The following MAT2B variants were observed in gnomAD, a reference collection of about 807,000 sequenced individuals.
MAT2B encodes methionine adenosyltransferase 2 subunit beta.
In MAT2B, 16 loss-of-function variants were observed where a neutral mutation model predicts 36.1. That is an observed-to-expected ratio of 0.44 (90% CI 0.30 to 0.67). The LOEUF (loss-of-function observed/expected upper bound fraction) is 0.67. Ranked by LOEUF, MAT2B falls within the 30% of genes least tolerant of loss-of-function variation. The pLI, the probability that MAT2B is intolerant of heterozygous loss-of-function variation, is 0.09. For synonymous variants in MAT2B, 148 were observed against 136.9 expected, an observed-to-expected ratio of 1.08 and a Z score of -0.57; for missense variants, 332 against 398.2, an observed-to-expected ratio of 0.83 and a Z score of 1.42.
chr5:163,512,645 T>TG, intron 2 of MAT2B: 1 of 440,024 alleles, frequency 2.3e-6, no homozygotes, highest in African/African-American at 2.0e-5. Flanking sequence ...TTGTCCAAAT[T>TG]GGGGGATAAA....
At chr5:163,505,955 T>C (rs1365013157) in intron 1 of MAT2B, among the ~76,000 whole-genome samples, 2 of 152,174 alleles carry the variant, frequency 1.3e-5, no homozygotes, top group East Asian at 1.9e-4. Context: ...AGTGTTTTTT[T>C]CTTCCAGCCA....
chr5:163,512,311 A>G (rs1760059442), intron 2 of MAT2B, 115 bp downstream of exon 2: 1 of 913,970 alleles, frequency 1.1e-6, no homozygotes, highest in Non-Finnish European at 1.7e-6. Context: ...CTAAAGTTGT[A>G]TTATGCAGTA....
chr5:163,516,827 AAACT>A (rs1048185460), intron 5 of MAT2B, 116 bp downstream of exon 5: 10 of 982,832 alleles, frequency 1.0e-5, no homozygotes, highest in African/African-American at 3.2e-5. Context: ...TGCTTTTTTA[AAACT>A]AGGAGACCAA....
chr5:163,503,558 C>A, upstream of MAT2B: 2 of 858,416 alleles, frequency 2.3e-6, no homozygotes, highest in Non-Finnish European at 3.9e-6. Context: ...TTCCTTAAAA[C>A]ATAACCTCGG....
At chr5:163,505,603 C>T (rs1759916071), upstream of MAT2B, 1 of 1,248,328 alleles carries the variant, frequency 8.0e-7, no homozygotes, top group Middle Eastern at 2.4e-4. Flanking sequence ...GGAGGCGGGC[C>T]GAGGGCGTCT....
chr5:163,507,883 C>T (rs946089833), intron 1 of MAT2B, among the ~76,000 whole-genome samples: 2 of 152,096 alleles, frequency 1.3e-5, no homozygotes, highest in Non-Finnish European at 2.9e-5. Context: ...CGAAACTATT[C>T]GGACTCCTCG....
At chr5:163,515,714 A>T (rs914392093) in intron 4 of MAT2B, among the ~76,000 whole-genome samples, 3 of 151,478 alleles carry the variant, frequency 2.0e-5, no homozygotes, top group Non-Finnish European at 4.4e-5. Context: ...TTATATATAT[A>T]AAAAAAACTA....
At chr5:163,503,804 G>T (rs868205848), upstream of MAT2B, among the ~76,000 whole-genome samples, 2 of 152,160 alleles carry the variant, frequency 1.3e-5, no homozygotes, top group Non-Finnish European at 2.9e-5. Flanking sequence ...GTTTCAGGCT[G>T]CTCTCTTTAA....
At chr5:163,504,715 T>C (rs573631425), upstream of MAT2B, among the ~76,000 whole-genome samples, 1 of 152,336 alleles carries the variant, frequency 6.6e-6, no homozygotes, top group Admixed American at 6.5e-5. Flanking sequence ...CTGAGGATTT[T>C]TTGCGGTTTT....
chr5:163,505,816 T>C, intron 1 of MAT2B, 67 bp downstream of exon 1: 6 of 1,209,658 alleles, frequency 5.0e-6, no homozygotes, highest in Non-Finnish European at 6.3e-6. Flanking sequence ...CCACCGGGGC[T>C]CGGGCGGCTT....
Sources: gnomAD v4.1 joint callset for allele counts (sites outside exome capture counted in the v4.1 genomes callset) on GRCh38, gnomAD v4.1.1 for gene constraint, MANE v1.5 for transcripts, NCBI Gene and HGNC (gene_info 2026-07-23, HGNC 2026-07-21) for gene names.